ANKRD17: variants seen among roughly 807,000 people sequenced by gnomAD.
ANKRD17 encodes ankyrin repeat domain 17.
Under a neutral mutation model 229.7 loss-of-function variants are expected in ANKRD17, and 19 were observed. The ratio of observed to expected loss-of-function variants is 0.08; its 90% CI spans 0.06 to 0.12. ANKRD17 has a LOEUF of 0.12. ANKRD17 is among the 10% of genes least tolerant of loss of function. ANKRD17 has a pLI of 1.00. For missense variants in ANKRD17, 2,176 were observed against 3,176.8 expected, an observed-to-expected ratio of 0.68 and a Z score of 7.57; for synonymous variants, 1,112 against 1,146.1, an observed-to-expected ratio of 0.97 and a Z score of 0.60.
intron 1 of ANKRD17, among the ~76,000 whole-genome samples, chr4:73,211,782 G>A: frequency 6.6e-6 from 1 of 151,324 alleles, no homozygotes; most frequent in South Asian, 2.1e-4. Context: ...GGGAGGCAGA[G>A]GTCGCAGTGA....
intron 24 of ANKRD17, chr4:73,112,565 ATT>A (rs960442663): frequency 3.3e-5 from 16 of 483,946 alleles, no homozygotes; most frequent in Non-Finnish European, 4.0e-5. Flanking sequence ...AATAAAATAC[ATT>A]TTTTCAGAAA....
At chr4:73,125,854 A>G (rs1727389602) in intron 16 of ANKRD17, among the ~76,000 whole-genome samples, 1 of 152,230 alleles carries the variant, frequency 6.6e-6, no homozygotes. Flanking sequence ...ATGACTTTCA[A>G]TCACGTGATT....
chr4:73,138,762 C>T (rs1560578255), intron 15 of ANKRD17, among the ~76,000 whole-genome samples: 1 of 151,996 alleles, frequency 6.6e-6, no homozygotes, highest in Non-Finnish European at 1.5e-5. Flanking sequence ...AAACCTCATC[C>T]CATTACTTTG....
chr4:73,241,513 T>G (rs1744037132), intron 1 of ANKRD17, among the ~76,000 whole-genome samples: 2 of 152,136 alleles, frequency 1.3e-5, no homozygotes, highest in South Asian at 4.1e-4. Context: ...TAAAAAGAGG[T>G]ATGTACTAAA....
intron 5 of ANKRD17, among the ~76,000 whole-genome samples, chr4:73,155,020 G>A (rs939049354): frequency 1.4e-5 from 2 of 144,574 alleles, no homozygotes; most frequent in Non-Finnish European, 3.0e-5. Context: ...CAGCCTGGGT[G>A]ACAGAGCGAG....
chr4:73,226,211 G>T (rs1237561466), intron 1 of ANKRD17, among the ~76,000 whole-genome samples: 1 of 151,858 alleles, frequency 6.6e-6, no homozygotes, highest in African/African-American at 2.4e-5. Context: ...TCCTGACCTA[G>T]TGATCTGCCT....
chr4:73,136,305 A>G (rs1190272681), intron 15 of ANKRD17, among the ~76,000 whole-genome samples: 1 of 152,328 alleles, frequency 6.6e-6, no homozygotes, highest in African/African-American at 2.4e-5. Context: ...TACATCAGAC[A>G]GAAAACAATC....
intron 16 of ANKRD17, among the ~76,000 whole-genome samples, chr4:73,126,897 T>C (rs748700045): frequency 6.6e-6 from 1 of 152,298 alleles, no homozygotes; most frequent in Non-Finnish European, 1.5e-5. Context: ...CACGCCCAGC[T>C]AGATACCTTT....
In ANKRD17 at chr4:73,098,693, A is replaced by G. The variant is rs999434514; in HGVS notation, c.4574-173T>C. 1.2e-5 allele frequency: 10 copies of G among 848,322 alleles called. No individual in the cohort carries two copies. The African/African-American group carries it at 1.7e-4, about 14-fold the overall frequency. The allele number at this position is 848,322 out of a possible 1,614,324, so 52.5% of individuals were successfully genotyped here. A position where few individuals can be genotyped will look rare whatever the true frequency, so the allele number is the denominator to read the frequency against. Reference sequence around the variant, plus strand: ...TGGATAGGACTGATATACTCTGTGTACCCACGTTCTGTTCAAAGAATAGCA... The same window carrying G: ...TGGATAGGACTGATATACTCTGTGTGCCCACGTTCTGTTCAAAGAATAGCA... On this transcript the variant is annotated intron_variant, in intron 25 of 33. Coordinates refer to ENST00000358602, the MANE Select transcript of ANKRD17 (RefSeq NM_032217.5).
chr4:73,244,384 T>A (rs1744304357), intron 1 of ANKRD17, among the ~76,000 whole-genome samples: 1 of 152,156 alleles, frequency 6.6e-6, no homozygotes. Flanking sequence ...TAAAACTTTC[T>A]GTGATGGAAA....
intron 25 of ANKRD17, among the ~76,000 whole-genome samples, chr4:73,099,997 G>T (rs1254148630): frequency 6.6e-6 from 1 of 152,082 alleles, no homozygotes; most frequent in Non-Finnish European, 1.5e-5. Context: ...CTCAGAAGGG[G>T]CACCAATAAC....
chr4:73,078,083 C>G (rs1721179182), intron 31 of ANKRD17, among the ~76,000 whole-genome samples: 1 of 151,958 alleles, frequency 6.6e-6, no homozygotes, highest in South Asian at 2.1e-4. Flanking sequence ...AACCCTGTCT[C>G]TACTAAAAAT....
At chr4:73,088,457 CA>C (rs1722431872) in intron 29 of ANKRD17, among the ~76,000 whole-genome samples, 1 of 152,066 alleles carries the variant, frequency 6.6e-6, no homozygotes, top group South Asian at 2.1e-4. Context: ...TATACCTTTT[CA>C]AAAAATAGGA....
intron 2 of ANKRD17, among the ~76,000 whole-genome samples, chr4:73,166,337 C>T (rs1158742307): frequency 6.6e-6 from 1 of 152,116 alleles, no homozygotes; most frequent in African/African-American, 2.4e-5. Context: ...ACAAGTGGTA[C>T]AGAGACAGGG....
chr4:73,101,237 A>G (rs1214918825), intron 25 of ANKRD17: 1 of 971,962 alleles, frequency 1.0e-6, no homozygotes, highest in Non-Finnish European at 1.2e-6. Context: ...ATTATAACCT[A>G]GTTAAAAATG....
intron 11 of ANKRD17, among the ~76,000 whole-genome samples, chr4:73,143,535 C>T (rs1006026680): frequency 6.6e-6 from 1 of 152,150 alleles, no homozygotes; most frequent in African/African-American, 2.4e-5. Flanking sequence ...TGAGAGGGGA[C>T]AGCGATTATG....
At chr4:73,202,649 A>G (rs908998988) in intron 1 of ANKRD17, among the ~76,000 whole-genome samples, 2 of 152,222 alleles carry the variant, frequency 1.3e-5, no homozygotes, top group Admixed American at 6.5e-5. Context: ...TGATCTAACA[A>G]TGCTTCAAAA....
intron 27 of ANKRD17, among the ~76,000 whole-genome samples, chr4:73,096,797 A>G (rs1723350304): frequency 6.6e-6 from 1 of 152,236 alleles, no homozygotes; most frequent in African/African-American, 2.4e-5. Flanking sequence ...TAACATCAAT[A>G]CCTACTAATT....
chr4:73,102,857 G>T (rs556135539), intron 24 of ANKRD17: 1 of 247,524 alleles, frequency 4.0e-6, no homozygotes, highest in South Asian at 7.5e-5. Context: ...TTAATTTGGC[G>T]AAATTTAAAA....
Sources: gnomAD v4.1 joint callset for allele counts (sites outside exome capture counted in the v4.1 genomes callset) on GRCh38, gnomAD v4.1.1 for gene constraint, MANE v1.5 for transcripts, NCBI Gene and HGNC (gene_info 2026-07-23, HGNC 2026-07-21) for gene names.